EEF2: variants seen among roughly 807,000 people sequenced by gnomAD.
EEF2 encodes the protein eukaryotic translation elongation factor 2.
In EEF2, 21 loss-of-function variants were observed where a neutral mutation model predicts 85.3. The observed-to-expected ratio is 0.25, with a 90% CI of 0.17 to 0.35. The LOEUF (loss-of-function observed/expected upper bound fraction) is 0.35, where lower values mean the gene tolerates loss of function less well. Among genes scored for constraint, EEF2 ranks in the 10% least tolerant of loss-of-function variants. The pLI, the probability that EEF2 is intolerant of heterozygous loss-of-function variation, is 1.00. For missense variants in EEF2, 825 were observed against 1,225.3 expected (o/e 0.67, Z 4.88); for synonymous variants, 723 against 508.8 (o/e 1.42, Z -5.67).
In EEF2 at chr19:3,976,480, G is replaced by C. The variant is rs367866062; in HGVS notation, c.*74C>G. 2 of 1,516,506 alleles carry C rather than the reference G, an allele frequency of 1.3e-6. No individual in the cohort carries two copies. Among genetic ancestry groups the C allele is most frequent in the South Asian group, 1.2e-5 (1 of 82,998 alleles). 93.9% of individuals were successfully genotyped at this position (1,516,506 alleles called of 1,614,324 possible). A position where few individuals can be genotyped will look rare whatever the true frequency, so the allele number is the denominator to read the frequency against. On this transcript the variant is annotated 3_prime_UTR_variant, in exon 15 of 15. Coordinates refer to ENST00000309311, the MANE Select transcript of EEF2 (RefSeq NM_001961.4). ...TGTGTCGGGACAGTCTCCAGGTGTC[G>C]TCTGAGAATTCGAGGACGTGGTGCT...
At chr19:3,981,888 C>T in intron 6 of EEF2, 59 bp downstream of exon 6, 1 of 1,535,012 alleles carries the variant, frequency 6.5e-7, no homozygotes, top group Non-Finnish European at 9.0e-7. Context: ...CGGCCGGAGC[C>T]CACAGGGCCG....
Position 3,981,984 on chromosome 19 carries a change from C to A in EEF2, c.860G>T (p.Arg287Leu). The A allele has an allele frequency of 6.2e-7, 1 of 1,614,138 alleles. No individual in the cohort carries two copies. Among genetic ancestry groups the A allele is most frequent in the Non-Finnish European group, 8.5e-7 (1 of 1,180,010 alleles). Reference protein sequence around the residue: ...ATSPEGKKLPRTFCQLILDPI... With the variant: ...ATSPEGKKLPLTFCQLILDPI... The stretch of plus-strand genomic sequence containing the variant: ...GTCCAGGATCAGCTGGCAGAAGGTG[C>A]GTGGCAGCTTCTTCCCTTCGGGGCT... Residue 287 changes from arginine (R) to leucine (L), a missense_variant, in exon 6 of 15, where the codon CGC (arginine) becomes CTC (leucine). Transcript: ENST00000309311.
At chr19:3,979,075 C>G (rs933677285) in intron 11 of EEF2, among the ~76,000 whole-genome samples, 1 of 149,686 alleles carries the variant, frequency 6.7e-6, no homozygotes, top group Non-Finnish European at 1.5e-5. Context: ...GAGGTTCTAG[C>G]GAGCCAAGAT....
chr19:3,984,798 G>C lies in EEF2; in HGVS notation c.4-448C>G, dbSNP rs143602644. ...GATCAGACAAGGCCACCCACCCCAG[G>C]AAATAACGGGGAGCCGGAACGGCCC... On this transcript the variant is annotated intron_variant, in intron 1 of 14. Coordinates refer to ENST00000309311, the MANE Select transcript of EEF2 (RefSeq NM_001961.4). 246 of 190,246 alleles carry C rather than the reference G, an allele frequency of 1.3e-3. 2 individuals carry two copies. The highest frequency in any genetic ancestry group is 4.7e-3 in the Middle Eastern group (2 of 428). The allele number at this position is 190,246 out of a possible 1,614,324, so 11.8% of individuals were successfully genotyped here. A position where few individuals can be genotyped will look rare whatever the true frequency, so the allele number is the denominator to read the frequency against.
intron 9 of EEF2, 143 bp from the exon 10 acceptor site, chr19:3,980,209 G>A: frequency 8.1e-7 from 1 of 1,234,106 alleles, no homozygotes; most frequent in Non-Finnish European, 1.1e-6. Flanking sequence ...CCTGACTGCT[G>A]CGTCGGGGCT....
At position 3,976,653 on chromosome 19, in the gene EEF2, G is replaced by A. The variant is rs1599189494; in HGVS notation, c.2478C>T (p.Asp826=). The A allele has an allele frequency of 1.2e-6, 2 of 1,609,616 alleles. No homozygotes were observed. Among genetic ancestry groups the A allele is most frequent in the African/African-American group, 1.3e-5 (1 of 74,982 alleles). The part of the protein sequence containing the change: ...HWQILPGDPF[D]NSSRPSQVVA... Reference sequence around the variant, plus strand: ...CCACCTGGCTGGGGCGGCTGCTGTTGTCGAAGGGGTCTCCGGGCAGGATCT... The same window carrying A: ...CCACCTGGCTGGGGCGGCTGCTGTTATCGAAGGGGTCTCCGGGCAGGATCT... The change falls in exon 15 of 15, where the codon GAC becomes GAT. Residue 826 remains aspartate (D), a synonymous_variant. Coordinates refer to ENST00000309311, the MANE Select transcript of EEF2 (RefSeq NM_001961.4).
chr19:3,983,993 T>G (rs896547710), intron 2 of EEF2, 143 bp downstream of exon 2: 9 of 850,644 alleles, frequency 1.1e-5, no homozygotes, highest in South Asian at 1.0e-4. Context: ...CTCGCTGGAC[T>G]GAACCTCACT....
At chr19:3,984,406 C>A (rs377288049) in intron 1 of EEF2, 56 bp from the exon 2 acceptor site, 4 of 1,579,838 alleles carry the variant, frequency 2.5e-6, no homozygotes, top group African/African-American at 1.3e-5. Flanking sequence ...CACAGCATGG[C>A]ACGGAGCGTT....
chr19:3,981,309 T>C, intron 7 of EEF2, 30 bp downstream of exon 7: 1 of 1,601,424 alleles, frequency 6.2e-7, no homozygotes, highest in Non-Finnish European at 8.6e-7. Context: ...CTGTGTTCCC[T>C]CCACCCCGAG....
Position 3,976,288 on chromosome 19 carries a change from T to G in EEF2, c.*266A>C. 2.3e-6 allele frequency: 1 copy of G among 432,652 alleles called. No homozygotes were observed. The highest frequency in any genetic ancestry group is 4.1e-6 in the Non-Finnish European group (1 of 241,192). 26.8% of individuals were successfully genotyped at this position (432,652 alleles called of 1,614,324 possible). ...CTGAAGAAATGGAAAAAGTGTTGGGTGTCCCATCCCGCCTCCCCCTCCCCG... is the reference window on the plus strand; with the variant it reads ...CTGAAGAAATGGAAAAAGTGTTGGGGGTCCCATCCCGCCTCCCCCTCCCCG... On this transcript the variant is annotated 3_prime_UTR_variant, in exon 15 of 15. Transcript: ENST00000309311.
At chr19:3,983,746 C>T in intron 2 of EEF2, 1 of 322,436 alleles carries the variant, frequency 3.1e-6, no homozygotes, top group Non-Finnish European at 5.9e-6. Context: ...GCTCCCCCTA[C>T]TCATATCGGG....
In EEF2 at chr19:3,979,371, G is replaced by A. The variant is rs2039716623; in HGVS notation, c.1671C>T (p.Cys557=). 6.2e-7 allele frequency: 1 copy of A among 1,614,070 alleles called. No individual in the cohort carries two copies. The highest frequency in any genetic ancestry group is 1.3e-5 in the African/African-American group (1 of 75,044). The change falls in exon 11 of 15, where the codon TGC becomes TGT. Residue 557 remains cysteine (C), a synonymous_variant. Transcript: ENST00000309311. ...CGTGGTCCTCCTCCAGGTCCTTCAG[G>A]CAGATCTCCAGGTGCAGCTCGCCGG... ...AGAGELHLEI[C]LKDLEEDHAC... is the part of the protein sequence containing the mutation.
intron 9 of EEF2, 33 bp from the exon 10 acceptor site, chr19:3,980,099 GGGA>G (rs747649246): frequency 6.2e-7 from 1 of 1,600,542 alleles, no homozygotes; most frequent in Admixed American, 1.7e-5. Context: ...GCAGGCCGCA[GGGA>G]TGGTTGTGCT....
At chr19:3,983,725 C>T (rs1218751884) in intron 2 of EEF2, 1 of 302,284 alleles carries the variant, frequency 3.3e-6, no homozygotes, top group African/African-American at 2.2e-5. Context: ...GTTGGGGTCA[C>T]CGTACTCTGC....
chr19:3,981,439 A>G lies in EEF2; in HGVS notation c.911T>C (p.Ile304Thr). The change falls in exon 7 of 15, where the codon ATC (isoleucine) becomes ACC (threonine). Residue 304 changes from isoleucine (I) to threonine (T), a missense_variant. Ile to Thr is a moderately conservative substitution (Grantham distance 89, BLOSUM62 -1). Coordinates refer to ENST00000309311, the MANE Select transcript of EEF2 (RefSeq NM_001961.4). ...TGTCTCCTCTTTCTTGAAATTCATG[A>G]TCGCATCAAACACCTACATTCCCCA... ...LDPIFKVFDA[I>T]MNFKKEETAK... The G allele has an allele frequency of 6.2e-7, 1 of 1,613,996 alleles. No homozygotes were observed. The highest frequency in any genetic ancestry group is 8.5e-7 in the Non-Finnish European group (1 of 1,179,974).
chr19:3,982,166 T>C, intron 5 of EEF2, 80 bp downstream of exon 5: 1 of 1,600,436 alleles, frequency 6.2e-7, no homozygotes, highest in African/African-American at 1.3e-5. Context: ...AGCCACGCTG[T>C]GAATAGCACA....
chr19:3,977,813 C>T lies in EEF2; in HGVS notation c.2067+6G>A, dbSNP rs2039696717. 2 of 1,576,326 alleles carry T rather than the reference C, an allele frequency of 1.3e-6. No homozygotes were observed. The highest frequency in any genetic ancestry group is 1.7e-6 in the Non-Finnish European group (2 of 1,156,094). On this transcript the variant is annotated splice_donor_region_variant and intron_variant, in intron 12 of 14. Coordinates refer to ENST00000309311, the MANE Select transcript of EEF2 (RefSeq NM_001961.4). This position sits in a 1 kb window ranked among gnomAD's most constrained non-coding sequence, Gnocchi z 5.4. ...TGTGGTCTGCACATGCTGAGCCGTG[C>T]CTCACCTCCTTGGTGGCCCACTGGA...
intron 6 of EEF2, 60 bp downstream of exon 6, chr19:3,981,887 C>T: frequency 6.6e-7 from 1 of 1,516,534 alleles, no homozygotes; most frequent in Non-Finnish European, 9.1e-7. Context: ...CCGGCCGGAG[C>T]CCACAGGGCC....
chr19:3,976,188 G>T lies in EEF2; in HGVS notation c.*366C>A, dbSNP rs907002232. ...TTCCTTTCCCCTTTCTGGGGCAAAA[G>T]CCACTGCGGGCCATGTACCCAAATA... On this transcript the variant is annotated 3_prime_UTR_variant, in exon 15 of 15. Transcript: ENST00000309311. The T allele has an allele frequency of 4.0e-6, 1 of 249,232 alleles. No homozygotes were observed. Among genetic ancestry groups the T allele is most frequent in the Non-Finnish European group, 7.9e-6 (1 of 127,080 alleles). The allele number at this position is 249,232 out of a possible 1,614,324, so 15.4% of individuals were successfully genotyped here.
Sources: allele counts gnomAD v4.1 joint callset (sites outside exome capture counted in the v4.1 genomes callset), GRCh38; gene constraint gnomAD v4.1.1; non-coding constraint Gnocchi (gnomAD v3.1); transcripts MANE v1.5; gene names NCBI Gene and HGNC (gene_info 2026-07-23, HGNC 2026-07-21).